The following HELLS variants were observed in gnomAD, a reference collection of about 807,000 sequenced individuals.
The protein encoded by HELLS is lymphoid-specific helicase.
HELLS carries 32 observed loss-of-function variants against 120.0 expected under a neutral mutation model. The ratio of observed to expected loss-of-function variants is 0.27; its 90% CI spans 0.20 to 0.36. The LOEUF (loss-of-function observed/expected upper bound fraction) is 0.36. HELLS is among the 10% of genes least tolerant of loss of function. The pLI is 1.00. For synonymous variants in HELLS, 341 were observed against 323.4 expected (o/e 1.05, Z -0.58); for missense variants, 650 against 993.4 (o/e 0.65, Z 4.65).
At chr10:94,588,469 G>A in intron 13 of HELLS, 79 bp downstream of exon 13, 1 of 1,080,976 alleles carries the variant, frequency 9.3e-7, no homozygotes, top group East Asian at 2.6e-5. Flanking sequence ...TTTGAGAGAA[G>A]GTGTCGCTCT....
rs1318071560 is a variant in HELLS, at chr10:94,581,615, A to G, written c.1229+93A>G. ...TTCAGTGACTGAATTAAAATGCCAA[A>G]TATTTGGCAAGTTCTTTGTGGTGTA... On this transcript the variant is annotated intron_variant, in intron 11 of 21. Transcript: ENST00000348459. 5.8e-6 allele frequency: 5 copies of G among 859,056 alleles called. No individual in the cohort carries two copies. The East Asian group carries it at 1.3e-4, about 23-fold the overall frequency. 53.2% of individuals were successfully genotyped at this position (859,056 alleles called of 1,614,324 possible).
intron 3 of HELLS, among the ~76,000 whole-genome samples, chr10:94,557,743 CTTAAG>C (rs1589707961): frequency 6.6e-6 from 1 of 152,208 alleles, no homozygotes; most frequent in African/African-American, 2.4e-5. Flanking sequence ...TGCTACTGCT[CTTAAG>C]TTTTGGATTC....
chr10:94,586,421 G>C (rs1002836628), intron 12 of HELLS, among the ~76,000 whole-genome samples: 1 of 152,042 alleles, frequency 6.6e-6, no homozygotes, highest in Non-Finnish European at 1.5e-5. Flanking sequence ...GCGCCCGGCC[G>C]GACATGTTTT....
intron 3 of HELLS, among the ~76,000 whole-genome samples, chr10:94,555,395 C>T (rs921199389): frequency 6.6e-6 from 1 of 152,036 alleles, no homozygotes; most frequent in East Asian, 1.9e-4. Flanking sequence ...CGAGATTGCA[C>T]CCCTGGACTC....
chr10:94,571,304 G>T, intron 6 of HELLS, 84 bp from the exon 7 acceptor site: 1 of 1,121,704 alleles, frequency 8.9e-7, no homozygotes, highest in South Asian at 1.4e-5. Context: ...CTGGCAAAAT[G>T]AGCACAGAAT....
At chr10:94,548,464 A>G (rs893439258) in intron 2 of HELLS, among the ~76,000 whole-genome samples, 1 of 152,184 alleles carries the variant, frequency 6.6e-6, no homozygotes, top group African/African-American at 2.4e-5. Flanking sequence ...TGCCTGAGAT[A>G]TGACAACAGT....
intron 19 of HELLS, 111 bp from the exon 20 acceptor site, chr10:94,596,749 A>G (rs1338972784): frequency 1.7e-6 from 1 of 591,176 alleles, no homozygotes; most frequent in Admixed American, 3.0e-5. Flanking sequence ...TTTTTTATCA[A>G]CACTTTTTTT....
intron 7 of HELLS, among the ~76,000 whole-genome samples, chr10:94,572,570 C>T (rs1013765131): frequency 6.6e-6 from 1 of 152,124 alleles, no homozygotes; most frequent in African/African-American, 2.4e-5. Context: ...TTTTCTCATC[C>T]ATCCCCTTAT....
intron 1 of HELLS, 34 bp downstream of exon 1, chr10:94,545,986 A>C: frequency 4.5e-6 from 7 of 1,553,100 alleles, no homozygotes; most frequent in Non-Finnish European, 5.2e-6. Context: ...CGCGGGTGGC[A>C]GCCTGCGGGG....
chr10:94,591,545 T>G (rs1338980510), intron 15 of HELLS, among the ~76,000 whole-genome samples: 1 of 152,194 alleles, frequency 6.6e-6, no homozygotes, highest in Non-Finnish European at 1.5e-5. Context: ...GGAGGTAATG[T>G]TCTGTGCACT....
chr10:94,575,098 A>ATT (rs570447113), intron 9 of HELLS, among the ~76,000 whole-genome samples: 1,562 of 121,722 alleles, frequency 0.013, 58 homozygotes, highest in African/African-American at 0.038. Context: ...ACCTTCTGCA[A>ATT]TTTTTTTTTT....
At chr10:94,612,067 GTCTA>G (rs566045177) in exon 10 of HELLS, 110 of 152,274 alleles carry the variant, frequency 7.2e-4, no homozygotes, top group African/African-American at 2.3e-3. Context: ...CCAGAGTCTA[GTCTA>G]AGGGAAGAAG....
At chr10:94,606,670 C>G (rs1846133253), downstream of HELLS, among the ~76,000 whole-genome samples, 2 of 152,168 alleles carry the variant, frequency 1.3e-5, no homozygotes, top group South Asian at 4.1e-4. Flanking sequence ...GAACTCGTAA[C>G]AAAATTTCTT....
In HELLS at chr10:94,550,548, A is replaced by G. The variant is rs550764640; in HGVS notation, c.154-3578A>G. Reference sequence around the variant, plus strand: ...GCCTTCCTCGACCTCCCAAAGTGCCAGGATTACAGGCGTGAGCCACCATGC... The same window carrying G: ...GCCTTCCTCGACCTCCCAAAGTGCCGGGATTACAGGCGTGAGCCACCATGC... On this transcript the variant is annotated intron_variant, in intron 2 of 21. Coordinates refer to ENST00000348459, the MANE Select transcript of HELLS (RefSeq NM_018063.5). 4.0e-4 allele frequency among the ~76,000 whole-genome samples: 61 copies of G among 151,842 alleles called. No homozygotes were observed. In the South Asian group the frequency reaches 5.0e-3, roughly 12 times the overall value.
In HELLS at chr10:94,554,347, G is replaced by A. The variant is rs11188020; in HGVS notation, c.276+99G>A. 291,861 of 858,100 alleles carry A rather than the reference G, an allele frequency of 0.34. 53,834 individuals are homozygous for A. Among genetic ancestry groups the A allele is most frequent in the Admixed American group, 0.47 (13,507 of 28,916 alleles). 53.2% of individuals were successfully genotyped at this position (858,100 alleles called of 1,614,324 possible). A position where few individuals can be genotyped will look rare whatever the true frequency, so the allele number is the denominator to read the frequency against. ...ATACAGTAAAATGGACAGATTTTAA[G>A]TGTACGGTTTGCTGAGTTTTGACTA... On this transcript the variant is annotated intron_variant, in intron 3 of 21. Coordinates refer to ENST00000348459, the MANE Select transcript of HELLS (RefSeq NM_018063.5).
downstream of HELLS, among the ~76,000 whole-genome samples, chr10:94,605,072 T>TTC (rs1846113354): frequency 1.8e-3 from 119 of 66,792 alleles, no homozygotes; most frequent in African/African-American, 2.2e-3. Flanking sequence ...GTCTTGTGTC[T>TTC]CCCCCCCCCC....
At chr10:94,612,026 C>T (rs1279752033) in exon 10 of HELLS, 1 of 152,152 alleles carries the variant, frequency 6.6e-6, no homozygotes, top group Non-Finnish European at 1.5e-5. Flanking sequence ...TGCATTGCTT[C>T]AGGGGATGAT....
chr10:94,598,845 C>T (rs559785293), intron 21 of HELLS, among the ~76,000 whole-genome samples: 22 of 152,136 alleles, frequency 1.4e-4, no homozygotes, highest in African/African-American at 4.1e-4. Context: ...TTTGCTCTTA[C>T]ATTTAGATCT....
At chr10:94,612,225 A>T (rs374495014) in exon 10 of HELLS, 130 of 152,144 alleles carry the variant, frequency 8.5e-4, no homozygotes, top group African/African-American at 3.0e-3. Context: ...TGATACATGT[A>T]AAAAAAAGAA....
Sources: gnomAD v4.1 joint callset for allele counts (sites outside exome capture counted in the v4.1 genomes callset) on GRCh38, gnomAD v4.1.1 for gene constraint, MANE v1.5 for transcripts, NCBI Gene and HGNC (gene_info 2026-07-23, HGNC 2026-07-21) for gene names.